Variants in TMPRSS15 observed in about 807,000 individuals in gnomAD.
TMPRSS15 encodes the protein enteropeptidase.
TMPRSS15 carries 128 observed loss-of-function variants against 125.3 expected under a neutral mutation model. That is an observed-to-expected ratio of 1.02 (90% CI 0.89 to 1.18). The LOEUF (loss-of-function observed/expected upper bound fraction) is 1.18, where lower values mean the gene tolerates loss of function less well. Ranked by LOEUF, TMPRSS15 falls within the 50% of genes most tolerant of loss-of-function variation. TMPRSS15 has a pLI of 0.00. For synonymous variants in TMPRSS15, 446 were observed against 423.2 expected, an observed-to-expected ratio of 1.05 and a Z score of -0.66; for missense variants, 1,283 against 1,212.7, an observed-to-expected ratio of 1.06 and a Z score of -0.86.
chr21:18,310,981 G>T (rs867752353), intron 18 of TMPRSS15, among the ~76,000 whole-genome samples: 1 of 69,428 alleles, frequency 1.4e-5, no homozygotes, highest in African/African-American at 2.7e-4. Flanking sequence ...ACATTCACTG[G>T]GGGGGAAGAA....
chr21:18,415,393 A>G (rs1025455313), intron 1 of TMPRSS15, among the ~76,000 whole-genome samples: 1 of 151,998 alleles, frequency 6.6e-6, no homozygotes, highest in African/African-American at 2.4e-5. Flanking sequence ...TTTATGTTCT[A>G]TGATTTTAGT....
rs760702875 is a variant in TMPRSS15, at chr21:18,372,188, C to T, written c.664+5G>A. 4 of 1,573,388 alleles carry T rather than the reference C, an allele frequency of 2.5e-6. No individual in the cohort carries two copies. Among genetic ancestry groups the T allele is most frequent in the Non-Finnish European group, 2.6e-6 (3 of 1,154,574 alleles). ...GAAGGGGAGAGAGTAGGGGGGAGAACTTACCACACATTTTATTGTCTTCGT... is the reference window on the plus strand; with the variant it reads ...GAAGGGGAGAGAGTAGGGGGGAGAATTTACCACACATTTTATTGTCTTCGT... On this transcript the variant is annotated splice_donor_5th_base_variant and intron_variant, in intron 6 of 24. Transcript: ENST00000284885.
intron 22 of TMPRSS15, 76 bp downstream of exon 22, chr21:18,280,964 C>T: frequency 6.9e-7 from 1 of 1,442,226 alleles, no homozygotes; most frequent in Non-Finnish European, 9.7e-7. Context: ...AATGCATTGA[C>T]ATTGATAATA....
chr21:18,398,424 C>T (rs2076061826), intron 1 of TMPRSS15, 95 bp from the exon 2 acceptor site: 1 of 1,314,212 alleles, frequency 7.6e-7, no homozygotes, highest in African/African-American at 1.4e-5. Flanking sequence ...AAAGCTCTCG[C>T]CTGATGTGTT....
At chr21:18,288,070 T>C (rs762184609) in intron 21 of TMPRSS15, among the ~76,000 whole-genome samples, 1 of 152,142 alleles carries the variant, frequency 6.6e-6, no homozygotes, top group African/African-American at 2.4e-5. Context: ...ATAGAAAAGA[T>C]ACTGAATCAA....
At chr21:18,275,035 G>C (rs556663846) in intron 24 of TMPRSS15, among the ~76,000 whole-genome samples, 162 bp downstream of exon 24, 1 of 152,222 alleles carries the variant, frequency 6.6e-6, no homozygotes. Context: ...CCAGTGCTCA[G>C]GTCTACCCAA....
chr21:18,358,152 AC>A (rs1569030702), intron 8 of TMPRSS15, among the ~76,000 whole-genome samples: 1 of 151,752 alleles, frequency 6.6e-6, no homozygotes, highest in Non-Finnish European at 1.5e-5. Context: ...TGATACCCTA[AC>A]CATGTGAAAA....
At chr21:18,348,102 T>C (rs2075528092) in intron 10 of TMPRSS15, among the ~76,000 whole-genome samples, 1 of 152,092 alleles carries the variant, frequency 6.6e-6, no homozygotes, top group South Asian at 2.1e-4. Context: ...GGAGTATCTC[T>C]TGAGCCCAGG....
intron 10 of TMPRSS15, among the ~76,000 whole-genome samples, chr21:18,350,053 T>G (rs2075549050): frequency 6.6e-6 from 1 of 152,128 alleles, no homozygotes; most frequent in Admixed American, 6.6e-5. Context: ...CTAACTACTC[T>G]TGTCCAAGTG....
Position 18,269,952 on chromosome 21 carries a change from T to G in TMPRSS15, c.*17A>C. The G allele has an allele frequency of 6.2e-7, 1 of 1,613,478 alleles. No homozygotes were observed. ...TGGGAAAATAATGCGACTTTCCTGT[T>G]TAGTTTAAGAAATGCGCTAATGTAG... On this transcript the variant is annotated 3_prime_UTR_variant, in exon 25 of 25. Transcript: ENST00000284885.
At chr21:18,402,946 G>C (rs372541632) in intron 1 of TMPRSS15, among the ~76,000 whole-genome samples, 2 of 152,112 alleles carry the variant, frequency 1.3e-5, no homozygotes, top group Non-Finnish European at 2.9e-5. Flanking sequence ...TATCGGAGTT[G>C]CTACTCAGTT....
rs531550320 is a variant in TMPRSS15 at position 18,440,305 on chromosome 21, G to A, written c.11-41976C>T. 2.8e-5 allele frequency among the ~76,000 whole-genome samples: 4 copies of A among 141,212 alleles called. No individual in the cohort carries two copies. The South Asian group carries it at 6.7e-4, about 24-fold the overall frequency. The allele number at this position is 141,212 out of a possible 152,430, so 92.6% of individuals were successfully genotyped here. A position where few individuals can be genotyped will look rare whatever the true frequency, so the allele number is the denominator to read the frequency against. ...GGAGAATGGCGTGAACCCGGGAGGC[G>A]GAGCTTGCAGTGAGTCGAGATCGCG... is the stretch of plus-strand genomic sequence containing the variant. On this transcript the variant is annotated intron_variant, in intron 1 of 7. Transcript: ENST00000422787.
At chr21:18,384,879 T>C (rs2075928771) in intron 3 of TMPRSS15, among the ~76,000 whole-genome samples, 1 of 152,198 alleles carries the variant, frequency 6.6e-6, no homozygotes, top group Admixed American at 6.5e-5. Flanking sequence ...TCTCCATCTA[T>C]CTATCTTGAT....
chr21:18,364,562 G>A (rs1368989666), intron 7 of TMPRSS15, among the ~76,000 whole-genome samples: 1 of 152,094 alleles, frequency 6.6e-6, no homozygotes. Flanking sequence ...TAAACTTTAA[G>A]GTAGATCAGC....
At chr21:18,369,973 C>CAAAAAAAAAAAAAA (rs148057792) in intron 6 of TMPRSS15, among the ~76,000 whole-genome samples, 1 of 136,012 alleles carries the variant, frequency 7.4e-6, no homozygotes, top group African/African-American at 2.7e-5. Context: ...CTTACTTAAA[C>CAAAAAAAAAAAAAA]GAAAAAAAAA....
intron 1 of TMPRSS15, among the ~76,000 whole-genome samples, chr21:18,460,898 T>G (rs997271785): frequency 1.3e-5 from 2 of 152,196 alleles, no homozygotes; most frequent in Admixed American, 6.5e-5. Context: ...GTTATTGCTA[T>G]TTCCTTCAAT....
chr21:18,461,747 C>G (rs184555829), intron 1 of TMPRSS15, among the ~76,000 whole-genome samples: 1 of 152,102 alleles, frequency 6.6e-6, no homozygotes, highest in East Asian at 1.9e-4. Context: ...TATAGTAAAA[C>G]TATATAATTT....
rs536962110 is a variant in TMPRSS15 at position 18,315,748 on chromosome 21, AC to A, written c.1922-493del. ...AGCTAGCTTTGATACTGAGTAAATGACGAGTTAGTGGGTGCAGCACACCAAC... is the reference window on the plus strand; with the variant it reads ...AGCTAGCTTTGATACTGAGTAAATGAGAGTTAGTGGGTGCAGCACACCAAC... On this transcript the variant is annotated intron_variant, in intron 16 of 24. Transcript: ENST00000284885. Among the ~76,000 whole-genome samples the A allele has an allele frequency of 3.3e-3, 233 of 70,270 alleles. 34 individuals carry two copies. Among genetic ancestry groups the A allele is most frequent in the Non-Finnish European group, 6.8e-3 (184 of 26,894 alleles). 46.1% of individuals were successfully genotyped at this position (70,270 alleles called of 152,430 possible).
chr21:18,373,133 G>T (rs1296766096), intron 5 of TMPRSS15, among the ~76,000 whole-genome samples: 2 of 151,878 alleles, frequency 1.3e-5, no homozygotes, highest in African/African-American at 2.4e-5. Context: ...TAATCTTAAA[G>T]CCAGAACTGT....
Sources: allele counts gnomAD v4.1 joint callset (sites outside exome capture counted in the v4.1 genomes callset), GRCh38; gene constraint gnomAD v4.1.1; transcripts MANE v1.5; gene names NCBI Gene and HGNC (gene_info 2026-07-23, HGNC 2026-07-21).